The following SIPA1L2 variants were observed in gnomAD, a reference collection of about 807,000 sequenced individuals.
The protein encoded by SIPA1L2 is signal induced proliferation associated 1 like 2.
A neutral mutation model predicts 163.9 loss-of-function variants in SIPA1L2; 56 were observed. The observed-to-expected ratio is 0.34, with a 90% CI of 0.28 to 0.43. The LOEUF (loss-of-function observed/expected upper bound fraction) is 0.43, where lower values mean the gene tolerates loss of function less well. SIPA1L2 is among the 20% of genes least tolerant of loss of function. The probability of loss-of-function intolerance (pLI) is 1.00; values close to 1 mark genes in which losing one functional copy is unlikely to be tolerated. For synonymous variants in SIPA1L2, 877 were observed against 865.7 expected (o/e 1.01, Z -0.23); for missense variants, 1,974 against 2,193.5 (o/e 0.90, Z 2.00).
chr1:232,425,724 A>T lies in SIPA1L2; in HGVS notation c.4495T>A (p.Ser1499Thr). The change falls in exon 18 of 23, where the codon TCC (serine) becomes ACC (threonine). Residue 1499 changes from serine to threonine, a missense_variant. Ser to Thr is a moderately conservative substitution (Grantham distance 58). Around this residue, in one of 3 missense-constraint regions of SIPA1L2, gnomAD observed 1,079 missense variants for 1,150.7 expected, o/e 0.94. Coordinates refer to ENST00000674635, the MANE Select transcript of SIPA1L2 (RefSeq NM_020808.5). ...GAACTCCGGGAACTGCCAAAGGAGGACCCCCTCCTGTTGCTGCAGATGCTC... is the reference window on the plus strand; with the variant it reads ...GAACTCCGGGAACTGCCAAAGGAGGTCCCCCTCCTGTTGCTGCAGATGCTC... The part of the protein sequence containing the change: ...DESICSNRRG[S>T]SFGSSRSSVL... The T allele has an allele frequency of 6.2e-7, 1 of 1,613,866 alleles. No homozygotes were observed. The highest frequency in any genetic ancestry group is 8.5e-7 in the Non-Finnish European group (1 of 1,179,938).
rs566617362 is a variant in SIPA1L2 at position 232,477,978 on chromosome 1, G to A, written c.2085+1649C>T. ...GCTAACGTACTGACAGATTTTCTTG[G>A]CTTGAGTAACCCCTATCAGTTTTCT... On this transcript the variant is annotated intron_variant, in intron 7 of 22. Coordinates refer to ENST00000674635, the MANE Select transcript of SIPA1L2 (RefSeq NM_020808.5). Among the ~76,000 whole-genome samples the A allele has an allele frequency of 1.3e-3, 191 of 152,248 alleles. 2 individuals carry two copies. The highest frequency in any genetic ancestry group is 2.1e-3 in the Non-Finnish European group (140 of 68,008).
intron 19 of SIPA1L2, among the ~76,000 whole-genome samples, chr1:232,408,386 T>C (rs1257006235): frequency 6.6e-6 from 1 of 152,168 alleles, no homozygotes; most frequent in Non-Finnish European, 1.5e-5. Flanking sequence ...GCTTTTTAAT[T>C]CTTTTTAATA....
At chr1:232,536,346 C>T (rs983763753) in intron 2 of SIPA1L2, among the ~76,000 whole-genome samples, 1 of 152,146 alleles carries the variant, frequency 6.6e-6, no homozygotes, top group East Asian at 1.9e-4. Context: ...AGGCAAAACA[C>T]CTTTAAGGAA....
intron 2 of SIPA1L2, among the ~76,000 whole-genome samples, chr1:232,566,628 C>T (rs1659421787): frequency 6.6e-6 from 1 of 152,184 alleles, no homozygotes; most frequent in Non-Finnish European, 1.5e-5. Context: ...AGGGATAATC[C>T]TTAATAGACG....
Position 232,477,540 on chromosome 1 carries a change from C to T in SIPA1L2, c.2085+2087G>A, listed in dbSNP as rs559125663. ...AAACAGATACAAATCCCAGCTTTCT[C>T]GAGTTTGGAATGTATAGCCTCAACT... On this transcript the variant is annotated intron_variant, in intron 7 of 22. Transcript: ENST00000674635. 4.6e-5 allele frequency among the ~76,000 whole-genome samples: 7 copies of T among 152,234 alleles called. No individual in the cohort carries two copies. The South Asian group carries it at 6.2e-4, about 14-fold the overall frequency.
intron 3 of SIPA1L2, among the ~76,000 whole-genome samples, chr1:232,499,389 C>T (rs1214620600): frequency 1.3e-5 from 2 of 152,190 alleles, no homozygotes; most frequent in Non-Finnish European, 2.9e-5. Flanking sequence ...AGCCTTACTG[C>T]TGATATGAAG....
Position 232,487,919 on chromosome 1 carries a change from TACACACACACACACAC to T in SIPA1L2, c.1806+2939_1806+2954del, listed in dbSNP as rs5781699. On this transcript the variant is annotated intron_variant, in intron 5 of 22. Coordinates refer to ENST00000674635, the MANE Select transcript of SIPA1L2 (RefSeq NM_020808.5). Reference sequence around the variant, plus strand: ...AAACTAACAATATATGTAATTAGGTTACACACACACACACACACACACACACACACACACACGCACA... The same window carrying T: ...AAACTAACAATATATGTAATTAGGTTACACACACACACACACACACGCACA... Among the ~76,000 whole-genome samples the T allele has an allele frequency of 4.9e-5, 7 of 144,302 alleles. No individual in the cohort carries two copies. The South Asian group carries it at 6.8e-4, about 14-fold the overall frequency. The allele number at this position is 144,302 out of a possible 152,430, so 94.7% of individuals were successfully genotyped here.
At position 232,471,475 on chromosome 1, in the gene SIPA1L2, C is replaced by T. The variant is rs1664797872; in HGVS notation, c.2139G>A (p.Glu713=). 1.2e-6 allele frequency: 2 copies of T among 1,614,078 alleles called. No homozygotes were observed. The highest frequency in any genetic ancestry group is 2.2e-5 in the South Asian group (2 of 91,070). The change falls in exon 8 of 23, where the codon GAG becomes GAA. Residue 713 remains glutamate (E), a synonymous_variant. Coordinates refer to ENST00000674635, the MANE Select transcript of SIPA1L2 (RefSeq NM_020808.5). ...TTGGAGTAAAAGGAAGTGCCCCAGG[C>T]TCCTGGAAGACGATGGTGACGATGT... ...GNDIVTIVFQ[E]PGALPFTPKS... is the part of the protein sequence containing the mutation.
chr1:232,546,421 T>C (rs894019852), intron 2 of SIPA1L2, among the ~76,000 whole-genome samples: 1 of 152,178 alleles, frequency 6.6e-6, no homozygotes, highest in African/African-American at 2.4e-5. Context: ...CAATACACTT[T>C]ACGAACCTCC....
At chr1:232,627,754 C>G (rs577322012) in intron 1 of SIPA1L2, among the ~76,000 whole-genome samples, 1 of 152,290 alleles carries the variant, frequency 6.6e-6, no homozygotes, top group Admixed American at 6.5e-5. Flanking sequence ...TACTAAAAGC[C>G]AGAAGCTCCA....
At chr1:232,458,108 A>G (rs980683199) in intron 10 of SIPA1L2, among the ~76,000 whole-genome samples, 1 of 152,218 alleles carries the variant, frequency 6.6e-6, no homozygotes, top group African/African-American at 2.4e-5. Flanking sequence ...CTAGGCAAAT[A>G]GCTAATTCTA....
rs370869268 is a variant in SIPA1L2, at chr1:232,505,508, C to A, written c.1483+8349G>T. The stretch of plus-strand genomic sequence containing the variant: ...TTCGTTCTTCTTCCCCAGTAACTGA[C>A]TGAAGACTTTTTGGGGCCAGAGAGT... On this transcript the variant is annotated intron_variant, in intron 3 of 22. Transcript: ENST00000674635. Among the ~76,000 whole-genome samples the A allele has an allele frequency of 1.7e-4, 26 of 152,328 alleles. No homozygotes were observed. The South Asian group carries it at 5.4e-3, about 32-fold the overall frequency.
intron 1 of SIPA1L2, among the ~76,000 whole-genome samples, chr1:232,618,426 C>T (rs536556713): frequency 1.9e-4 from 29 of 152,190 alleles, no homozygotes; most frequent in Admixed American, 1.4e-3. Context: ...GAGGCCAAGG[C>T]GGGTGGATCA....
intron 8 of SIPA1L2, among the ~76,000 whole-genome samples, chr1:232,470,912 G>T (rs1664768146): frequency 6.6e-6 from 1 of 152,154 alleles, no homozygotes; most frequent in African/African-American, 2.4e-5. Context: ...TATAAAAGCA[G>T]GCCTTGTCAG....
intron 1 of SIPA1L2, among the ~76,000 whole-genome samples, chr1:232,592,776 A>G (rs1661030241): frequency 6.6e-6 from 1 of 151,636 alleles, no homozygotes; most frequent in Non-Finnish European, 1.5e-5. Context: ...CTAATATTTC[A>G]AGCTTCAGTT....
chr1:232,480,196 T>C (rs901261068), intron 6 of SIPA1L2, among the ~76,000 whole-genome samples: 2 of 141,156 alleles, frequency 1.4e-5, no homozygotes, highest in Non-Finnish European at 3.1e-5. Flanking sequence ...TGTGTGTTTT[T>C]ACAGTTAATT....
chr1:232,600,503 A>G (rs4545285), intron 1 of SIPA1L2, among the ~76,000 whole-genome samples: 88,946 of 152,062 alleles, frequency 0.58, 26,969 homozygotes, highest in East Asian at 0.75. Flanking sequence ...GGATGAGGAA[A>G]CTGGGTTACT....
intron 1 of SIPA1L2, among the ~76,000 whole-genome samples, chr1:232,585,611 G>C (rs1660614221): frequency 6.6e-6 from 1 of 152,140 alleles, no homozygotes. Context: ...TGGAAGCTCT[G>C]TGCACATGTA....
intron 8 of SIPA1L2, among the ~76,000 whole-genome samples, chr1:232,468,880 G>A (rs913384796): frequency 2.0e-5 from 3 of 152,158 alleles, no homozygotes; most frequent in Non-Finnish European, 4.4e-5. Flanking sequence ...TAAAGAAATA[G>A]GCAATTTGTT....
Sources: gnomAD v4.1 joint callset for allele counts (sites outside exome capture counted in the v4.1 genomes callset) on GRCh38, gnomAD v4.1.1 for gene constraint, gnomAD v4.1.1 regional missense constraint, MANE v1.5 for transcripts, NCBI Gene and HGNC (gene_info 2026-07-23, HGNC 2026-07-21) for gene names.